Variants in RPS6KC1 observed in about 807,000 individuals in gnomAD.
RPS6KC1 encodes inactive ribosomal protein S6 kinase delta-1.
RPS6KC1 carries 54 observed loss-of-function variants against 103.8 expected under a neutral mutation model. The ratio of observed to expected loss-of-function variants is 0.52; its 90% confidence interval spans 0.42 to 0.65. The LOEUF is 0.65. RPS6KC1 is among the 30% of genes least tolerant of loss of function. The pLI, the probability that RPS6KC1 is intolerant of heterozygous loss-of-function variation, is 0.00. For synonymous variants in RPS6KC1, 439 were observed against 438.7 expected (o/e 1.00, Z -0.01); for missense variants, 1,151 against 1,253.8 (o/e 0.92, Z 1.24).
At chr1:213,523,523 T>C in the RPS6KC1 span, among the ~76,000 whole-genome samples, 98,710 of 152,020 alleles carry the variant, frequency 0.65, 34,058 homozygotes, top group East Asian at 0.98. Context: ...ATACACAATC[T>C]ACAGGGTTGT....
intron 5 of RPS6KC1, among the ~76,000 whole-genome samples, chr1:213,124,884 G>A (rs1449871328): frequency 6.6e-6 from 1 of 152,124 alleles, no homozygotes; most frequent in Non-Finnish European, 1.5e-5. Flanking sequence ...AAAGGAATAA[G>A]GTGGGCAAGG....
At chr1:213,676,733 C>T in the RPS6KC1 span, among the ~76,000 whole-genome samples, 2 of 152,232 alleles carry the variant, frequency 1.3e-5, no homozygotes, top group Non-Finnish European at 1.5e-5. Context: ...TGGGGGCATG[C>T]CCCTTCTCCA....
the RPS6KC1 span, among the ~76,000 whole-genome samples, chr1:213,360,152 T>C: frequency 1.4e-4 from 22 of 152,360 alleles, 1 homozygote; most frequent in Non-Finnish European, 2.9e-4. Context: ...CGCAGAGTGT[T>C]TTCCAACTTG....
chr1:213,773,502 ATAT>A, the RPS6KC1 span, among the ~76,000 whole-genome samples: 5 of 148,240 alleles, frequency 3.4e-5, no homozygotes, highest in Admixed American at 6.8e-5. Flanking sequence ...TATAATACAG[ATAT>A]TATATATGTA....
chr1:213,719,080 G>A, the RPS6KC1 span, among the ~76,000 whole-genome samples: 2 of 152,304 alleles, frequency 1.3e-5, no homozygotes, highest in Admixed American at 1.3e-4. Context: ...ATGGGCCATT[G>A]TTTAAGGTTG....
At chr1:213,311,893 CTT>C in the RPS6KC1 span, among the ~76,000 whole-genome samples, 6 of 127,332 alleles carry the variant, frequency 4.7e-5, no homozygotes, top group South Asian at 5.3e-4. Context: ...TCAGGAGGAT[CTT>C]TTTTTTTTTT....
the RPS6KC1 span, among the ~76,000 whole-genome samples, chr1:213,383,427 C>T: frequency 1.3e-5 from 2 of 152,152 alleles, no homozygotes; most frequent in Non-Finnish European, 2.9e-5. Context: ...TGCGTGAGGC[C>T]CTTCCCTTGA....
intron 9 of RPS6KC1, among the ~76,000 whole-genome samples, 168 bp downstream of exon 9, chr1:213,230,712 A>G (rs1437196503): frequency 6.6e-6 from 1 of 151,664 alleles, no homozygotes; most frequent in South Asian, 2.1e-4. Flanking sequence ...GTGGGCTTCT[A>G]TAATCCCAGC....
chr1:213,223,419 A>G (rs2093883648), intron 8 of RPS6KC1, among the ~76,000 whole-genome samples: 1 of 152,142 alleles, frequency 6.6e-6, no homozygotes, highest in Non-Finnish European at 1.5e-5. Context: ...ACGCCTTTGC[A>G]TCCTCATAGC....
chr1:213,615,280 C>G, the RPS6KC1 span, among the ~76,000 whole-genome samples: 1 of 152,198 alleles, frequency 6.6e-6, no homozygotes, highest in Non-Finnish European at 1.5e-5. Flanking sequence ...TTTCAGACAG[C>G]CCAGGCAGGC....
the RPS6KC1 span, among the ~76,000 whole-genome samples, chr1:213,827,711 G>A: frequency 7.2e-5 from 11 of 152,094 alleles, no homozygotes; most frequent in South Asian, 1.3e-3. Flanking sequence ...AGGGAGGGTC[G>A]GTGATCACTC....
At chr1:213,750,945 T>G in the RPS6KC1 span, among the ~76,000 whole-genome samples, 1 of 152,172 alleles carries the variant, frequency 6.6e-6, no homozygotes, top group Non-Finnish European at 1.5e-5. Context: ...ATTAAGAATG[T>G]GGAACTGGGG....
chr1:213,100,724 T>C lies in RPS6KC1; in HGVS notation c.263-3730T>C, dbSNP rs181677384. Among the ~76,000 whole-genome samples the C allele has an allele frequency of 5.3e-5, 8 of 152,344 alleles. No homozygotes were observed. The East Asian group carries it at 1.5e-3, about 29-fold the overall frequency. On this transcript the variant is annotated intron_variant, in intron 3 of 14. Transcript: ENST00000366960. ...TCCTGTGTTAATTCACTTAGGATAATGGCCTCCACCTGCATCCATGTTGCT... is the reference window on the plus strand; with the variant it reads ...TCCTGTGTTAATTCACTTAGGATAACGGCCTCCACCTGCATCCATGTTGCT...
At chr1:213,427,149 TC>T in the RPS6KC1 span, among the ~76,000 whole-genome samples, 4 of 152,212 alleles carry the variant, frequency 2.6e-5, no homozygotes, top group Non-Finnish European at 5.9e-5. Flanking sequence ...AGAAGTCAGT[TC>T]TTTTTATCTG....
chr1:213,425,358 A>G, the RPS6KC1 span, among the ~76,000 whole-genome samples: 1 of 152,058 alleles, frequency 6.6e-6, no homozygotes, highest in Non-Finnish European at 1.5e-5. Flanking sequence ...TCAGAAGCTG[A>G]TTTGCATTTT....
chr1:213,294,792 T>C, the RPS6KC1 span, among the ~76,000 whole-genome samples: 15 of 152,202 alleles, frequency 9.9e-5, no homozygotes, highest in Admixed American at 6.5e-5. Flanking sequence ...CAGGAAAGAA[T>C]TTTAAGAATC....
the RPS6KC1 span, among the ~76,000 whole-genome samples, chr1:213,697,588 T>C: frequency 6.6e-6 from 1 of 152,094 alleles, no homozygotes; most frequent in East Asian, 1.9e-4. Flanking sequence ...ACACCCCAAT[T>C]TGTGGTGTGA....
At chr1:213,759,622 A>G in the RPS6KC1 span, among the ~76,000 whole-genome samples, 3 of 151,710 alleles carry the variant, frequency 2.0e-5, no homozygotes, top group South Asian at 2.1e-4. Context: ...GTAAGTGCAC[A>G]TCACCTCTGT....
chr1:213,290,023 A>C, the RPS6KC1 span, among the ~76,000 whole-genome samples: 7 of 151,870 alleles, frequency 4.6e-5, no homozygotes, highest in South Asian at 2.1e-4. Context: ...TGGGAGACAG[A>C]GCAAGACTCA....
Sources: allele counts gnomAD v4.1 joint callset (sites outside exome capture counted in the v4.1 genomes callset), GRCh38; gene constraint gnomAD v4.1.1; transcripts MANE v1.5; gene names NCBI Gene and HGNC (gene_info 2026-07-23, HGNC 2026-07-21).